Variants in STK24 observed in about 807,000 individuals in gnomAD.
STK24 encodes the protein serine/threonine kinase 24.
A neutral mutation model predicts 55.6 loss-of-function variants in STK24; 21 were observed. That is an observed-to-expected ratio of 0.38 (90% CI 0.27 to 0.54). STK24 has a LOEUF of 0.54. STK24 is among the 20% of genes least tolerant of loss of function. The pLI, the probability that STK24 is intolerant of heterozygous loss-of-function variation, is 0.79. For synonymous variants in STK24, 200 were observed against 215.2 expected (o/e 0.93, Z 0.62); for missense variants, 383 against 538.4 (o/e 0.71, Z 2.86).
At chr13:98,542,829 G>A in intron 1 of STK24, 2 of 984,764 alleles carry the variant, frequency 2.0e-6, no homozygotes, top group Middle Eastern at 5.2e-4. Flanking sequence ...ACACGTCCAA[G>A]TACCAACGCT....
chr13:98,556,964 C>G (rs75270439), intron 1 of STK24, among the ~76,000 whole-genome samples: 2,180 of 152,264 alleles, frequency 0.014, 58 homozygotes, highest in African/African-American at 0.049. Flanking sequence ...TCTTGACTTA[C>G]GACCAGCTGA....
chr13:98,453,014 G>C lies in STK24; in HGVS notation c.*159C>G. 1 of 688,270 alleles carries C rather than the reference G, an allele frequency of 1.5e-6. No individual in the cohort carries two copies. The allele number at this position is 688,270 out of a possible 1,614,324, so 42.6% of individuals were successfully genotyped here. A position where few individuals can be genotyped will look rare whatever the true frequency, so the allele number is the denominator to read the frequency against. On this transcript the variant is annotated 3_prime_UTR_variant, in exon 11 of 11. Coordinates refer to ENST00000539966, the MANE Select transcript of STK24 (RefSeq NM_001032296.4). ...AGACTTCATCTGGCTGCAGCACAGT[G>C]AAGACTGTGTGTGTCCCTGGACGGG... is the stretch of plus-strand genomic sequence containing the variant.
intron 2 of STK24, among the ~76,000 whole-genome samples, chr13:98,490,842 A>AAT (rs1373591502): frequency 3.8e-4 from 58 of 152,116 alleles, no homozygotes; most frequent in Admixed American, 3.5e-3. Flanking sequence ...AAAAAAAAAA[A>AAT]AAAACAGAAC....
At chr13:98,467,531 G>A (rs1288578864) in intron 5 of STK24, among the ~76,000 whole-genome samples, 1 of 152,024 alleles carries the variant, frequency 6.6e-6, no homozygotes, top group Non-Finnish European at 1.5e-5. Flanking sequence ...AGTCTCCCCA[G>A]GGACATCAAC....
intron 1 of STK24, among the ~76,000 whole-genome samples, chr13:98,573,686 T>C (rs7319335): frequency 0.27 from 41,742 of 152,156 alleles, 6,262 homozygotes; most frequent in African/African-American, 0.4. Context: ...TTAGCCAATC[T>C]AACTAGCAAT....
At chr13:98,522,738 A>G (rs1896307244) in intron 1 of STK24, among the ~76,000 whole-genome samples, 1 of 152,106 alleles carries the variant, frequency 6.6e-6, no homozygotes, top group Admixed American at 6.5e-5. Context: ...GCACCTCTAC[A>G]CCCCTGTGCC....
intron 1 of STK24, among the ~76,000 whole-genome samples, chr13:98,548,146 G>A (rs960195168): frequency 9.9e-5 from 15 of 152,142 alleles, no homozygotes; most frequent in African/African-American, 3.6e-4. Context: ...CTAGGCCTTA[G>A]TTTACTCACC....
chr13:98,506,557 G>A (rs1404379462), intron 2 of STK24, among the ~76,000 whole-genome samples: 11 of 152,294 alleles, frequency 7.2e-5, no homozygotes, highest in East Asian at 3.9e-4. Flanking sequence ...AATGTCTCCC[G>A]TAGCCGAAGC....
chr13:98,535,126 A>G (rs1313306658), intron 1 of STK24, among the ~76,000 whole-genome samples: 1 of 152,138 alleles, frequency 6.6e-6, no homozygotes, highest in Non-Finnish European at 1.5e-5. Context: ...GGGCAGGCGG[A>G]TCACCTGAGG....
chr13:98,453,808 G>A (rs1482075853), intron 10 of STK24: 1 of 141,110 alleles, frequency 7.1e-6, no homozygotes, highest in African/African-American at 2.6e-5. Context: ...GTAATTATCT[G>A]TATTTACATA....
chr13:98,549,456 T>C (rs757774667), intron 1 of STK24, among the ~76,000 whole-genome samples: 11 of 152,180 alleles, frequency 7.2e-5, no homozygotes, highest in Non-Finnish European at 5.9e-5. Flanking sequence ...CAATCCCCAG[T>C]GTTGGAGGTG....
At chr13:98,453,566 A>G (rs775895749) in intron 10 of STK24, 6 of 194,372 alleles carry the variant, frequency 3.1e-5, no homozygotes, top group Admixed American at 5.9e-5. Context: ...ATGCATATGC[A>G]TTCCCGATGT....
At chr13:98,499,339 C>T (rs868807006) in intron 2 of STK24, among the ~76,000 whole-genome samples, 1 of 152,190 alleles carries the variant, frequency 6.6e-6, no homozygotes, top group African/African-American at 2.4e-5. Flanking sequence ...GGGAATCCCG[C>T]ACCTTGGGAA....
At position 98,457,159 on chromosome 13, in the gene STK24, G is replaced by T; in HGVS notation, c.1259+9C>A. 1 of 1,609,198 alleles carries T rather than the reference G, an allele frequency of 6.2e-7. No homozygotes were observed. The highest frequency in any genetic ancestry group is 1.1e-5 in the South Asian group (1 of 90,498). On this transcript the variant is annotated intron_variant, in intron 10 of 10. Transcript: ENST00000539966. ...CCTTCCCCAGCCCAGAGGGGCCCTG[G>T]GTAGTTACCTCTGGAGCCGCTGCAC...
intron 1 of STK24, among the ~76,000 whole-genome samples, chr13:98,564,253 G>A (rs1043093889): frequency 1.3e-5 from 2 of 152,102 alleles, no homozygotes; most frequent in African/African-American, 2.4e-5. Context: ...AACCAAAGAC[G>A]GTCATTTCAT....
intron 1 of STK24, among the ~76,000 whole-genome samples, chr13:98,566,521 A>G (rs923249918): frequency 6.6e-6 from 1 of 152,188 alleles, no homozygotes; most frequent in Non-Finnish European, 1.5e-5. Flanking sequence ...CTCATCTGTA[A>G]AATTAGTCTG....
chr13:98,557,283 A>G (rs1367317107), intron 1 of STK24, among the ~76,000 whole-genome samples: 1 of 152,208 alleles, frequency 6.6e-6, no homozygotes, highest in Non-Finnish European at 1.5e-5. Context: ...CTCCAGACCC[A>G]TATTTCTAAC....
chr13:98,503,041 T>C (rs368264676), intron 2 of STK24, among the ~76,000 whole-genome samples: 16 of 148,806 alleles, frequency 1.1e-4, no homozygotes, highest in African/African-American at 3.1e-4. Context: ...TTTTTTTTTT[T>C]CAGTATGGTA....
At chr13:98,549,876 G>C in intron 1 of STK24, among the ~76,000 whole-genome samples, 1 of 152,144 alleles carries the variant, frequency 6.6e-6, no homozygotes, top group East Asian at 1.9e-4. Flanking sequence ...ATTGCACTAA[G>C]ATTCACAACA....
Sources: gnomAD v4.1 joint callset for allele counts (sites outside exome capture counted in the v4.1 genomes callset) on GRCh38, gnomAD v4.1.1 for gene constraint, MANE v1.5 for transcripts, NCBI Gene and HGNC (gene_info 2026-07-23, HGNC 2026-07-21) for gene names.